The following GLT1D1 variants were observed in gnomAD, a reference collection of about 807,000 sequenced individuals.
GLT1D1 encodes the protein glycosyltransferase 1 domain-containing protein 1.
In GLT1D1, 21 loss-of-function variants were observed where a neutral mutation model predicts 28.7. That is an observed-to-expected ratio of 0.73 (90% CI 0.52 to 1.05). The LOEUF is 1.05. Among genes scored for constraint, GLT1D1 ranks in the 50% least tolerant of loss-of-function variants. The pLI, the probability that GLT1D1 is intolerant of heterozygous loss-of-function variation, is 0.00. For missense variants in GLT1D1, 343 were observed against 330.6 expected, an observed-to-expected ratio of 1.04 and a Z score of -0.29; for synonymous variants, 147 against 124.8, an observed-to-expected ratio of 1.18 and a Z score of -1.19.
intron 7 of GLT1D1, among the ~76,000 whole-genome samples, chr12:128,976,869 G>C (rs901674535): frequency 6.6e-6 from 1 of 152,138 alleles, no homozygotes; most frequent in Non-Finnish European, 1.5e-5. Flanking sequence ...GTACTGGCTG[G>C]GCGCAGTGGC....
chr12:128,942,775 G>T (rs1377790284), intron 4 of GLT1D1, among the ~76,000 whole-genome samples: 1 of 129,344 alleles, frequency 7.7e-6, no homozygotes, highest in Non-Finnish European at 1.6e-5. Flanking sequence ...TTTTGAGACA[G>T]AGTCTCGCTC....
In GLT1D1 at chr12:128,962,794, C is replaced by T. The variant is rs556561614; in HGVS notation, c.639+5151C>T. 5.3e-5 allele frequency among the ~76,000 whole-genome samples: 8 copies of T among 152,228 alleles called. No individual in the cohort carries two copies. In the South Asian group the frequency reaches 6.2e-4, roughly 12 times the overall value. ...TCGGCTTGCTGCAACCTCTGCCTCC[C>T]GGGTTCAAGTGATTATCCTGTCTCA... On this transcript the variant is annotated intron_variant, in intron 7 of 7. Coordinates refer to ENST00000281703, the MANE Select transcript of GLT1D1 (RefSeq NM_144669.3).
chr12:128,882,581 C>T lies in GLT1D1; in HGVS notation c.218-6058C>T, dbSNP rs563952380. Among the ~76,000 whole-genome samples the T allele has an allele frequency of 2.0e-5, 3 of 152,124 alleles. No homozygotes were observed. The South Asian group carries it at 6.2e-4, about 32-fold the overall frequency. On this transcript the variant is annotated intron_variant, in intron 2 of 7. Coordinates refer to ENST00000281703, the MANE Select transcript of GLT1D1 (RefSeq NM_144669.3). ...GGTGTGAGCCACCACACCCAGCCTG[C>T]AAATGTTTTAAAGAACAATATCAAC...
At chr12:128,930,325 A>T (rs1448230066) in intron 4 of GLT1D1, 1 of 152,248 alleles carries the variant, frequency 6.6e-6, no homozygotes, top group Non-Finnish European at 1.5e-5. Flanking sequence ...AGGCAACAAC[A>T]GTATCTAGAA....
intron 7 of GLT1D1, among the ~76,000 whole-genome samples, chr12:128,960,781 A>G (rs1877858370): frequency 6.6e-6 from 1 of 151,846 alleles, no homozygotes; most frequent in South Asian, 2.1e-4. Flanking sequence ...AAAATTAAAT[A>G]TATATTTCAA....
At chr12:128,882,081 A>G (rs955786783) in intron 2 of GLT1D1, among the ~76,000 whole-genome samples, 2 of 152,146 alleles carry the variant, frequency 1.3e-5, no homozygotes, top group Non-Finnish European at 2.9e-5. Flanking sequence ...TCACATTTAT[A>G]TAACTGTGTA....
chr12:128,861,716 G>A (rs1015498670), intron 1 of GLT1D1, among the ~76,000 whole-genome samples: 5 of 152,292 alleles, frequency 3.3e-5, no homozygotes, highest in Admixed American at 3.3e-4. Context: ...GGGGCAGATC[G>A]GAGCACTACA....
At chr12:128,942,493 C>A (rs1232793504) in intron 4 of GLT1D1, among the ~76,000 whole-genome samples, 1 of 151,974 alleles carries the variant, frequency 6.6e-6, no homozygotes, top group Non-Finnish European at 1.5e-5. Flanking sequence ...TGCTTACTGG[C>A]ACTTGTATTT....
At chr12:128,944,486 C>T in intron 4 of GLT1D1, 4 of 1,203,658 alleles carry the variant, frequency 3.3e-6, no homozygotes, top group African/African-American at 1.5e-5. Context: ...ATGAGCGGCT[C>T]CCCTGTCAGA....
chr12:128,894,574 T>C (rs1212985195), intron 3 of GLT1D1, among the ~76,000 whole-genome samples: 2 of 152,258 alleles, frequency 1.3e-5, no homozygotes, highest in Middle Eastern at 3.4e-3. Context: ...CCGGGCATGG[T>C]GGCTCATGGC....
intron 3 of GLT1D1, among the ~76,000 whole-genome samples, chr12:128,891,389 G>A (rs1320971743): frequency 6.6e-6 from 1 of 152,134 alleles, no homozygotes; most frequent in Non-Finnish European, 1.5e-5. Flanking sequence ...CTTCACCTGT[G>A]TCTAGAATAA....
chr12:128,976,548 G>C (rs1045807137), intron 7 of GLT1D1, among the ~76,000 whole-genome samples: 1 of 152,222 alleles, frequency 6.6e-6, no homozygotes, highest in Non-Finnish European at 1.5e-5. Context: ...ACAAGCTGTC[G>C]TATTTGAAGC....
intron 6 of GLT1D1, among the ~76,000 whole-genome samples, chr12:128,947,702 G>A (rs925191837): frequency 2.0e-5 from 3 of 152,190 alleles, no homozygotes; most frequent in Non-Finnish European, 4.4e-5. Flanking sequence ...AACTGGGATA[G>A]CATTGCCTCT....
intron 4 of GLT1D1, among the ~76,000 whole-genome samples, chr12:128,933,070 G>A (rs1874102352): frequency 6.6e-6 from 1 of 152,206 alleles, no homozygotes; most frequent in Non-Finnish European, 1.5e-5. Context: ...CAGATAGGCT[G>A]GTGTCTTCGC....
At chr12:128,874,205 T>C (rs1443048020) in intron 1 of GLT1D1, among the ~76,000 whole-genome samples, 1 of 148,072 alleles carries the variant, frequency 6.8e-6, no homozygotes, top group Non-Finnish European at 1.5e-5. Context: ...TCTTTCTCTC[T>C]TTCCCTCACT....
At chr12:128,899,401 G>A (rs1033949490) in intron 4 of GLT1D1, 114 bp downstream of exon 4, 32 of 827,650 alleles carry the variant, frequency 3.9e-5, no homozygotes, top group Admixed American at 7.1e-5. Flanking sequence ...TGCCTGTTGC[G>A]GCCACAATAG....
At chr12:128,920,018 T>C (rs1872525728) in intron 4 of GLT1D1, among the ~76,000 whole-genome samples, 2 of 147,282 alleles carry the variant, frequency 1.4e-5, no homozygotes, top group Non-Finnish European at 3.0e-5. Context: ...TCTATCTCTC[T>C]GTCAACTCTA....
rs190567645 is a variant in GLT1D1, at chr12:128,875,673, G to A, written c.69-241G>A. 7.7e-4 allele frequency among the ~76,000 whole-genome samples: 117 copies of A among 152,106 alleles called. 1 individual carries two copies. The Middle Eastern group carries it at 0.01, about 13-fold the overall frequency. On this transcript the variant is annotated intron_variant, in intron 1 of 7. Coordinates refer to ENST00000281703, the MANE Select transcript of GLT1D1 (RefSeq NM_144669.3). The stretch of plus-strand genomic sequence containing the variant: ...ATTAGCCAGGCGTAGTGGTGCACAC[G>A]TGTAGTCTCAGCTACTTGGGAGACT...
rs527382524 is a variant in GLT1D1 at position 128,924,579 on chromosome 12, C to T, written c.376-20747C>T. Among the ~76,000 whole-genome samples the T allele has an allele frequency of 2.6e-3, 390 of 152,150 alleles. 2 individuals carry two copies. The highest frequency in any genetic ancestry group is 8.5e-3 in the African/African-American group (354 of 41,526). Reference sequence around the variant, plus strand: ...TCAAGTGATTCTCCTGCCTCAGCCTCCTGAATTGCTGGGATTACAGGCCCC... The same window carrying T: ...TCAAGTGATTCTCCTGCCTCAGCCTTCTGAATTGCTGGGATTACAGGCCCC... On this transcript the variant is annotated intron_variant, in intron 4 of 7. Coordinates refer to ENST00000281703, the MANE Select transcript of GLT1D1 (RefSeq NM_144669.3).
Sources: gnomAD v4.1 joint callset for allele counts (sites outside exome capture counted in the v4.1 genomes callset) on GRCh38, gnomAD v4.1.1 for gene constraint, MANE v1.5 for transcripts, NCBI Gene and HGNC (gene_info 2026-07-23, HGNC 2026-07-21) for gene names.